Variants in YIPF4 observed in about 807,000 individuals in gnomAD.
YIPF4 encodes Yip1 domain family member 4.
A neutral mutation model predicts 29.4 loss-of-function variants in YIPF4; 18 were observed. That is an observed-to-expected ratio of 0.61 (90% CI 0.42 to 0.91). YIPF4 has a LOEUF of 0.91. YIPF4 is among the 40% of genes least tolerant of loss of function. The pLI, the probability that YIPF4 is intolerant of heterozygous loss-of-function variation, is 0.00. For missense variants in YIPF4, 279 were observed against 282.7 expected (o/e 0.99, Z 0.09); for synonymous variants, 115 against 104.7 (o/e 1.10, Z -0.60).
intron 5 of YIPF4, among the ~76,000 whole-genome samples, chr2:32,304,675 A>G (rs1293403462): frequency 6.6e-6 from 1 of 152,196 alleles, no homozygotes; most frequent in African/African-American, 2.4e-5. Context: ...AGAAGTACGC[A>G]GCCTAAAACG....
In YIPF4 at chr2:32,313,342, C is replaced by G. The variant is rs902509949; in HGVS notation, c.*7716C>G. ...ATTGAACAGGTATGTCAGCACCATA[C>G]CTGACATTCTAGGCCATTCTTTCTT... On this transcript the variant is annotated 3_prime_UTR_variant, in exon 6 of 6. Coordinates refer to ENST00000238831, the MANE Select transcript of YIPF4 (RefSeq NM_032312.4). 1 of 152,114 alleles carries G rather than the reference C, an allele frequency of 6.6e-6. No homozygotes were observed. The highest frequency in any genetic ancestry group is 1.5e-5 in the Non-Finnish European group (1 of 68,020). The allele number at this position is 152,114 out of a possible 1,614,324, so 9.4% of individuals were successfully genotyped here.
intron 3 of YIPF4, among the ~76,000 whole-genome samples, chr2:32,297,604 TTAAA>T (rs2031246574): frequency 6.6e-6 from 1 of 151,964 alleles, no homozygotes. Context: ...CTGGTCTCTA[TTAAA>T]TAAATAAGTA....
chr2:32,279,954 TG>T (rs1333302732), intron 1 of YIPF4, among the ~76,000 whole-genome samples: 5 of 148,700 alleles, frequency 3.4e-5, no homozygotes, highest in African/African-American at 1.2e-4. Flanking sequence ...TGGAGTGCAG[TG>T]GTTTGATCAT....
intron 1 of YIPF4, among the ~76,000 whole-genome samples, chr2:32,288,970 A>G (rs560090352): frequency 6.6e-6 from 1 of 152,316 alleles, no homozygotes; most frequent in East Asian, 1.9e-4. Flanking sequence ...TGATACAAAA[A>G]AAAGAAGAAA....
intron 4 of YIPF4, among the ~76,000 whole-genome samples, chr2:32,300,243 GCAA>G (rs2031351106): frequency 6.6e-6 from 1 of 151,640 alleles, no homozygotes; most frequent in African/African-American, 2.4e-5. Flanking sequence ...TTTAGCCTGG[GCAA>G]CAAGAGCGAA....
At chr2:32,298,552 A>C (rs2148965453) in intron 4 of YIPF4, among the ~76,000 whole-genome samples, 1 of 152,192 alleles carries the variant, frequency 6.6e-6, no homozygotes. Flanking sequence ...GGAAGCATAT[A>C]ATTTATTTAT....
Position 32,305,799 on chromosome 2 carries a change from G to A in YIPF4, c.*173G>A, listed in dbSNP as rs2031562262. On this transcript the variant is annotated 3_prime_UTR_variant, in exon 6 of 6. Coordinates refer to ENST00000238831, the MANE Select transcript of YIPF4 (RefSeq NM_032312.4). ...TTTTTTTGTATTTAATTAAGCAATT[G>A]CAGTTATCTGGGATTTTTGGGTCAG... 1 of 1,228,820 alleles carries A rather than the reference G, an allele frequency of 8.1e-7. No individual in the cohort carries two copies. Among genetic ancestry groups the A allele is most frequent in the Non-Finnish European group, 1.0e-6 (1 of 986,150 alleles). The allele number at this position is 1,228,820 out of a possible 1,614,324, so 76.1% of individuals were successfully genotyped here.
At chr2:32,283,751 T>C (rs1047952835) in intron 1 of YIPF4, among the ~76,000 whole-genome samples, 1 of 151,384 alleles carries the variant, frequency 6.6e-6, no homozygotes, top group African/African-American at 2.4e-5. Context: ...AGAGTCTCGC[T>C]GTGTTGCCCG....
Position 32,307,978 on chromosome 2 carries a change from G to GC in YIPF4, c.*2352_*2353insC, listed in dbSNP as rs2031632716. 1.4e-5 allele frequency: 2 copies of GC among 141,056 alleles called. No homozygotes were observed. The highest frequency in any genetic ancestry group is 4.5e-4 in the South Asian group (2 of 4,422). 8.7% of individuals were successfully genotyped at this position (141,056 alleles called of 1,614,324 possible). A position where few individuals can be genotyped will look rare whatever the true frequency, so the allele number is the denominator to read the frequency against. On this transcript the variant is annotated 3_prime_UTR_variant, in exon 6 of 6. Transcript: ENST00000238831. ...AACCATGATTTGTAGATGTGTGCAA[G>GC]ACACAGTACTGCTATGGCTAATAAT...
chr2:32,282,950 G>A (rs181509303), intron 1 of YIPF4, among the ~76,000 whole-genome samples: 147 of 151,910 alleles, frequency 9.7e-4, no homozygotes, highest in African/African-American at 3.1e-3. Context: ...GGTGGCGGGT[G>A]CCTGTAGTCC....
Position 32,278,211 on chromosome 2 carries a change from T to C in YIPF4, c.56T>C (p.Phe19Ser), listed in dbSNP as rs1350733551. ...GCCCCCACTAACGGGGACTTCACCT[T>C]TGTCTCCTCAGCAGACGCGGAAGGT... ...AYAPTNGDFT[F>S]VSSADAEDLS... The change falls in exon 1 of 6, where the codon TTT becomes TCT. Residue 19 changes from phenylalanine (F) to serine (S), a missense_variant. Physicochemically the swap from Phe to Ser is radical, Grantham distance 155. Transcript: ENST00000238831. 3 of 1,571,026 alleles carry C rather than the reference T, an allele frequency of 1.9e-6. No individual in the cohort carries two copies. Among genetic ancestry groups the C allele is most frequent in the South Asian group, 2.3e-5 (2 of 85,644 alleles).
rs1025684227 is a variant in YIPF4 at position 32,279,880 on chromosome 2, AT to A, written c.79+1655del. Among the ~76,000 whole-genome samples, 39 of 127,094 alleles carry A rather than the reference AT, an allele frequency of 3.1e-4. No homozygotes were observed. The East Asian group carries it at 8.4e-3, about 28-fold the overall frequency. 83.4% of individuals were successfully genotyped at this position (127,094 alleles called of 152,430 possible). A position where few individuals can be genotyped will look rare whatever the true frequency, so the allele number is the denominator to read the frequency against. ...CAAAGGGAACATAGCTGAGACATTT[AT>A]TTTTTTTTCTCTTATGTTCTTTTTT... On this transcript the variant is annotated intron_variant, in intron 1 of 5. Transcript: ENST00000238831.
intron 1 of YIPF4, among the ~76,000 whole-genome samples, chr2:32,282,090 A>T (rs935461034): frequency 6.6e-6 from 1 of 151,506 alleles, no homozygotes. Flanking sequence ...AAAGAAACTG[A>T]GGCTTAGAGA....
chr2:32,299,411 T>C (rs2031313416), intron 4 of YIPF4, among the ~76,000 whole-genome samples: 2 of 152,342 alleles, frequency 1.3e-5, no homozygotes, highest in Non-Finnish European at 2.9e-5. Context: ...TGTTAAGATA[T>C]ATTGTTTTGG....
chr2:32,292,807 T>C (rs1056495221), intron 3 of YIPF4, among the ~76,000 whole-genome samples: 1 of 140,080 alleles, frequency 7.1e-6, no homozygotes, highest in Admixed American at 8.1e-5. Context: ...GAGGTTGCAG[T>C]GAGCCAAGAT....
Position 32,298,253 on chromosome 2 carries a change from C to A in YIPF4, c.425C>A (p.Thr142Asn), listed in dbSNP as rs2031268842. The change falls in exon 4 of 6, where the codon ACC becomes AAC. Residue 142 changes from threonine to asparagine, a missense_variant. Coordinates refer to ENST00000238831, the MANE Select transcript of YIPF4 (RefSeq NM_032312.4). The part of the protein sequence containing the change: ...GQFRVVSWII[T>N]IWIFGSLTIF... Reference sequence around the variant, plus strand: ...CCTAAGGTGGTCTCATGGATTATAACCATTTGGATATTTGGTTCACTAACA... The same window carrying A: ...CCTAAGGTGGTCTCATGGATTATAAACATTTGGATATTTGGTTCACTAACA... 4.3e-6 allele frequency: 7 copies of A among 1,609,296 alleles called. No individual in the cohort carries two copies. Among genetic ancestry groups the A allele is most frequent in the Non-Finnish European group, 5.9e-6 (7 of 1,177,294 alleles).
chr2:32,311,414 T>C lies in YIPF4; in HGVS notation c.*5788T>C, dbSNP rs1000157981. ...CATTAGAGAAAGAATATAGGGAAGA[T>C]GGCAGTGGTAAAACATTTCCCTGCT... On this transcript the variant is annotated 3_prime_UTR_variant, in exon 6 of 6. Transcript: ENST00000238831. 1.3e-5 allele frequency: 2 copies of C among 152,356 alleles called. No homozygotes were observed. The highest frequency in any genetic ancestry group is 2.4e-5 in the African/African-American group (1 of 41,584). The allele number at this position is 152,356 out of a possible 1,614,324, so 9.4% of individuals were successfully genotyped here.
At position 32,306,040 on chromosome 2, in the gene YIPF4, G is replaced by GAT. The variant is rs920703975; in HGVS notation, c.*421_*422dup. ...TTTCTCCAGCATCACAGATCCTGCA[G>GAT]ATATATATTTATATTTATACATATA... On this transcript the variant is annotated 3_prime_UTR_variant, in exon 6 of 6. Coordinates refer to ENST00000238831, the MANE Select transcript of YIPF4 (RefSeq NM_032312.4). 1 of 893,936 alleles carries GAT rather than the reference G, an allele frequency of 1.1e-6. No homozygotes were observed. Among genetic ancestry groups the GAT allele is most frequent in the African/African-American group, 1.8e-5 (1 of 55,056 alleles). The allele number at this position is 893,936 out of a possible 1,614,324, so 55.4% of individuals were successfully genotyped here.
chr2:32,303,829 G>A lies in YIPF4; in HGVS notation c.598-1660G>A, dbSNP rs115536025. On this transcript the variant is annotated intron_variant, in intron 5 of 5. Transcript: ENST00000238831. ...TTAGAACTTAGTTTAAAGTCTTAAC[G>A]TTGCAGCAGACATTTAATTATTCCT... 5.5e-3 allele frequency among the ~76,000 whole-genome samples: 839 copies of A among 152,160 alleles called. 9 individuals carry two copies. The highest frequency in any genetic ancestry group is 0.019 in the African/African-American group (783 of 41,522).
Sources: gnomAD v4.1 joint callset for allele counts (sites outside exome capture counted in the v4.1 genomes callset) on GRCh38, gnomAD v4.1.1 for gene constraint, MANE v1.5 for transcripts, NCBI Gene and HGNC (gene_info 2026-07-23, HGNC 2026-07-21) for gene names.